RORB: variants seen among roughly 807,000 people sequenced by gnomAD.
RORB encodes the protein nuclear receptor ROR-beta.
Under a neutral mutation model 59.1 loss-of-function variants are expected in RORB, and 6 were observed. That is an observed-to-expected ratio of 0.10 (90% CI 0.06 to 0.20). RORB has a LOEUF of 0.20. Ranked by LOEUF, RORB falls within the 10% of genes least tolerant of loss-of-function variation. RORB has a pLI of 1.00. For missense variants in RORB, 320 were observed against 560.5 expected (o/e 0.57, Z 4.33); for synonymous variants, 215 against 204.5 (o/e 1.05, Z -0.44).
chr9:74,633,200 A>T (rs540071944), intron 2 of RORB, among the ~76,000 whole-genome samples: 1 of 152,324 alleles, frequency 6.6e-6, no homozygotes, highest in South Asian at 2.1e-4. Context: ...GTAGATTTTT[A>T]ACACATTGTG....
At chr9:74,553,190 C>G (rs946970634) in intron 1 of RORB, among the ~76,000 whole-genome samples, 1 of 152,064 alleles carries the variant, frequency 6.6e-6, no homozygotes, top group Admixed American at 6.6e-5. Context: ...TTTCGGTAGT[C>G]CTGGCGGGAG....
chr9:74,519,184 A>T (rs1465382053), intron 1 of RORB, among the ~76,000 whole-genome samples: 1 of 152,000 alleles, frequency 6.6e-6, no homozygotes, highest in African/African-American at 2.4e-5. Context: ...TCCCCTCTTG[A>T]TAAAGTCGAG....
chr9:74,656,478 G>A (rs903838074), intron 4 of RORB, among the ~76,000 whole-genome samples: 8 of 152,204 alleles, frequency 5.3e-5, no homozygotes, highest in African/African-American at 1.9e-4. Flanking sequence ...GCTCACGCCT[G>A]TAATCCCAAC....
At chr9:74,646,821 AAAAT>A (rs1823907870) in intron 4 of RORB, among the ~76,000 whole-genome samples, 1 of 152,184 alleles carries the variant, frequency 6.6e-6, no homozygotes, top group South Asian at 2.1e-4. Flanking sequence ...AGATACCACG[AAAAT>A]AAATAGTCAC....
Position 74,627,927 on chromosome 9 carries a change from G to T in RORB, c.8-2355G>T, listed in dbSNP as rs538011002. On this transcript the variant is annotated intron_variant, in intron 1 of 9. Coordinates refer to ENST00000376896, the MANE Select transcript of RORB (RefSeq NM_006914.4). ...TGTGTCCAAAAGTTTTAGAAAACCA[G>T]TTAACAATAATGATTGATGTGATGA... Among the ~76,000 whole-genome samples, 9 of 152,176 alleles carry T rather than the reference G, an allele frequency of 5.9e-5. No homozygotes were observed. The East Asian group carries it at 1.7e-3, about 29-fold the overall frequency.
chr9:74,644,741 TTATAA>T (rs1823867964), intron 4 of RORB, among the ~76,000 whole-genome samples: 1 of 152,234 alleles, frequency 6.6e-6, no homozygotes, highest in African/African-American at 2.4e-5. Flanking sequence ...GTTTGAATCC[TTATAA>T]AACAAAAACT....
intron 3 of RORB, among the ~76,000 whole-genome samples, chr9:74,637,174 T>G (rs1823717815): frequency 6.6e-6 from 1 of 152,202 alleles, no homozygotes; most frequent in South Asian, 2.1e-4. Flanking sequence ...AACTGCTTTC[T>G]ACAGCCCCCT....
intron 3 of RORB, among the ~76,000 whole-genome samples, chr9:74,636,661 C>A (rs1823708527): frequency 6.6e-6 from 1 of 152,022 alleles, no homozygotes; most frequent in Non-Finnish European, 1.5e-5. Flanking sequence ...TTCATTTCAA[C>A]TTTAGGTCCA....
At chr9:74,578,642 A>T (rs180695119) in intron 1 of RORB, among the ~76,000 whole-genome samples, 1 of 151,134 alleles carries the variant, frequency 6.6e-6, no homozygotes, top group African/African-American at 2.4e-5. Context: ...GCTGTAAAAG[A>T]TATTTTATTT....
At chr9:74,529,821 G>A (rs1826209118) in intron 1 of RORB, among the ~76,000 whole-genome samples, 1 of 151,832 alleles carries the variant, frequency 6.6e-6, no homozygotes, top group South Asian at 2.1e-4. Context: ...TGGTATATTA[G>A]GGTGATGGGT....
intron 1 of RORB, among the ~76,000 whole-genome samples, chr9:74,576,309 T>C (rs1822634325): frequency 6.6e-6 from 1 of 152,110 alleles, no homozygotes; most frequent in Non-Finnish European, 1.5e-5. Flanking sequence ...GGCTCCTGTC[T>C]GTAACAGCTA....
intron 4 of RORB, among the ~76,000 whole-genome samples, chr9:74,653,818 A>T (rs991702694): frequency 1.2e-4 from 18 of 152,150 alleles, no homozygotes; most frequent in Admixed American, 1.3e-4. Flanking sequence ...ATCTAGTGAG[A>T]GGTAAAATAA....
At chr9:74,639,381 T>C (rs1256765551) in intron 3 of RORB, among the ~76,000 whole-genome samples, 1 of 152,088 alleles carries the variant, frequency 6.6e-6, no homozygotes, top group African/African-American at 2.4e-5. Flanking sequence ...CAAACTGACA[T>C]GGGGAAGGGC....
intron 1 of RORB, among the ~76,000 whole-genome samples, chr9:74,528,417 C>G (rs528360910): frequency 6.6e-6 from 1 of 152,028 alleles, no homozygotes; most frequent in South Asian, 2.1e-4. Flanking sequence ...AATCTCTCCT[C>G]GCACAGCCGT....
At chr9:74,531,356 G>A (rs1826235547) in intron 1 of RORB, among the ~76,000 whole-genome samples, 1 of 151,992 alleles carries the variant, frequency 6.6e-6, no homozygotes. Flanking sequence ...CTAGGTCCAT[G>A]TGCACAGCCA....
intron 1 of RORB, among the ~76,000 whole-genome samples, chr9:74,539,107 A>G (rs1311436877): frequency 6.6e-6 from 1 of 152,194 alleles, no homozygotes; most frequent in Non-Finnish European, 1.5e-5. Flanking sequence ...TTTTCTATGA[A>G]GGTTAGAAAT....
chr9:74,505,339 G>A (rs1307618087), intron 1 of RORB, among the ~76,000 whole-genome samples: 1 of 151,854 alleles, frequency 6.6e-6, no homozygotes, highest in African/African-American at 2.4e-5. Flanking sequence ...ATACTCTCAA[G>A]TACAAGAATG....
intron 1 of RORB, among the ~76,000 whole-genome samples, chr9:74,557,008 C>T (rs369517243): frequency 2.6e-5 from 4 of 151,998 alleles, no homozygotes; most frequent in African/African-American, 4.8e-5. Context: ...TTGCCTATTT[C>T]GTATTCATTT....
chr9:74,647,015 T>C (rs1159198439), intron 4 of RORB, among the ~76,000 whole-genome samples: 2 of 152,100 alleles, frequency 1.3e-5, no homozygotes, highest in African/African-American at 4.8e-5. Context: ...CCATGAAACA[T>C]TTCAGGAGTT....
Sources: allele counts gnomAD v4.1 joint callset (sites outside exome capture counted in the v4.1 genomes callset), GRCh38; gene constraint gnomAD v4.1.1; transcripts MANE v1.5; gene names NCBI Gene and HGNC (gene_info 2026-07-23, HGNC 2026-07-21).